Variants in STAM2 observed in about 807,000 individuals in gnomAD.
STAM2 encodes signal transducing adaptor molecule 2, also known as signal transducing adapter molecule 2.
A neutral mutation model predicts 65.6 loss-of-function variants in STAM2; 51 were observed. That is an observed-to-expected ratio of 0.78 (90% confidence interval 0.62 to 0.98). STAM2 has a LOEUF of 0.98. STAM2 is among the 50% of genes least tolerant of loss of function. The probability of loss-of-function intolerance (pLI) is 0.00; values close to 1 mark genes in which losing one functional copy is unlikely to be tolerated. For missense variants in STAM2, 584 were observed against 617.8 expected (o/e 0.95, Z 0.58); for synonymous variants, 198 against 208.4 (o/e 0.95, Z 0.43).
At chr2:152,163,732 A>C (rs72864754) in intron 1 of STAM2, among the ~76,000 whole-genome samples, 20,364 of 152,156 alleles carry the variant, frequency 0.13, 1,762 homozygotes, top group Middle Eastern at 0.31. Context: ...CCCTAGGAAA[A>C]GAATTGCATT....
chr2:152,175,110 C>T (rs985252362), intron 1 of STAM2, among the ~76,000 whole-genome samples: 5 of 152,122 alleles, frequency 3.3e-5, no homozygotes, highest in African/African-American at 1.2e-4. Flanking sequence ...GGATTGAATG[C>T]ATGAGTAATA....
rs58778946 is a variant in STAM2 at position 152,120,395 on chromosome 2, G to GA, written c.*178dup. ...AGATTGACTTCAAACAAACTGGACT[G>GA]AAAAAAAAAAAAAAAAAAAACCTTT... On this transcript the variant is annotated 3_prime_UTR_variant, in exon 14 of 14. Coordinates refer to ENST00000263904, the MANE Select transcript of STAM2 (RefSeq NM_005843.6). 28,812 of 302,588 alleles carry GA rather than the reference G, an allele frequency of 0.095. 39 individuals carry two copies. Among genetic ancestry groups the GA allele is most frequent in the South Asian group, 0.11 (2,574 of 24,386 alleles). The allele number at this position is 302,588 out of a possible 1,614,324, so 18.7% of individuals were successfully genotyped here.
intron 1 of STAM2, among the ~76,000 whole-genome samples, chr2:152,174,517 T>A (rs1030084535): frequency 5.3e-5 from 8 of 152,204 alleles, no homozygotes; most frequent in African/African-American, 1.9e-4. Flanking sequence ...TTAAAATGGC[T>A]TAGGGGATTA....
At position 152,130,950 on chromosome 2, in the gene STAM2, C is replaced by T. The variant is rs550592231; in HGVS notation, c.1025+1164G>A. ...GGTGGAGGTTGCAGTGAGCCGAGAT[C>T]GCACCACTGCACTCCAGCCTGGGTG... is the stretch of plus-strand genomic sequence containing the variant. On this transcript the variant is annotated intron_variant, in intron 11 of 13. Coordinates refer to ENST00000263904, the MANE Select transcript of STAM2 (RefSeq NM_005843.6). Among the ~76,000 whole-genome samples, 9 of 145,134 alleles carry T rather than the reference C, an allele frequency of 6.2e-5. No individual in the cohort carries two copies. In the East Asian group the frequency reaches 1.0e-3, roughly 17 times the overall value.
intron 7 of STAM2, among the ~76,000 whole-genome samples, chr2:152,138,958 T>C (rs1240251945): frequency 1.3e-5 from 2 of 152,294 alleles, no homozygotes; most frequent in East Asian, 3.9e-4. Context: ...CAATATAGGA[T>C]AATTTTCCTC....
intron 5 of STAM2, 55 bp from the exon 6 acceptor site, chr2:152,145,012 T>C: frequency 1.5e-6 from 2 of 1,343,906 alleles, no homozygotes; most frequent in Non-Finnish European, 2.1e-6. Context: ...AAACACAAGC[T>C]CCATAATTAC....
chr2:152,141,151 A>AG (rs899790598), intron 7 of STAM2, among the ~76,000 whole-genome samples: 2 of 151,296 alleles, frequency 1.3e-5, no homozygotes, highest in Admixed American at 6.6e-5. Flanking sequence ...AAAAAAAAAA[A>AG]AAAAGAAAAG....
At chr2:152,131,298 C>T (rs1319143504) in intron 11 of STAM2, among the ~76,000 whole-genome samples, 1 of 151,944 alleles carries the variant, frequency 6.6e-6, no homozygotes, top group African/African-American at 2.4e-5. Flanking sequence ...ACCAAAAATA[C>T]AAAAATTAGC....
chr2:152,142,485 T>C (rs956584888), intron 7 of STAM2, among the ~76,000 whole-genome samples: 7 of 152,182 alleles, frequency 4.6e-5, no homozygotes, highest in African/African-American at 1.7e-4. Context: ...AGACTGTCAG[T>C]GTTCAGAGCC....
chr2:152,118,098 T>G lies in STAM2; in HGVS notation c.*2476A>C, dbSNP rs1688782755. 4 of 152,164 alleles carry G rather than the reference T, an allele frequency of 2.6e-5. No homozygotes were observed. Among genetic ancestry groups the G allele is most frequent in the Admixed American group, 2.6e-4 (4 of 15,272 alleles). The allele number at this position is 152,164 out of a possible 1,614,324, so 9.4% of individuals were successfully genotyped here. ...AAATTTTCAGGAATTCTTTCTGATG[T>G]ACCAAGATTTCATATGAAAAAGCAG... On this transcript the variant is annotated 3_prime_UTR_variant, in exon 14 of 14. Transcript: ENST00000263904.
chr2:152,148,182 A>G (rs770776520), intron 3 of STAM2, 43 bp downstream of exon 3: 33 of 1,593,662 alleles, frequency 2.1e-5, no homozygotes, highest in Non-Finnish European at 2.5e-5. Flanking sequence ...AATTAAAAAC[A>G]CATTTAAAAT....
intron 8 of STAM2, among the ~76,000 whole-genome samples, chr2:152,135,241 T>G (rs1418271357): frequency 1.3e-5 from 2 of 152,210 alleles, no homozygotes; most frequent in Non-Finnish European, 2.9e-5. Flanking sequence ...TTTAAATACC[T>G]GCATGGTCAC....
At chr2:152,155,064 T>C (rs1168800684) in intron 1 of STAM2, among the ~76,000 whole-genome samples, 1 of 152,242 alleles carries the variant, frequency 6.6e-6, no homozygotes, top group East Asian at 1.9e-4. Context: ...AGCATCTGTC[T>C]TTGCCACAAC....
At chr2:152,175,509 T>C in intron 1 of STAM2, 94 bp downstream of exon 1, 4 of 1,522,792 alleles carry the variant, frequency 2.6e-6, no homozygotes, top group Non-Finnish European at 2.7e-6. Flanking sequence ...CTTTGCTTCC[T>C]AGTCCCCGGA....
chr2:152,135,874 G>C (rs1305631987), intron 7 of STAM2, among the ~76,000 whole-genome samples: 2 of 152,172 alleles, frequency 1.3e-5, no homozygotes, highest in Non-Finnish European at 2.9e-5. Context: ...CAGATCACCA[G>C]AGGTCAGGAG....
At chr2:152,139,768 A>G (rs747341020) in intron 7 of STAM2, among the ~76,000 whole-genome samples, 3 of 152,206 alleles carry the variant, frequency 2.0e-5, no homozygotes, top group Non-Finnish European at 2.9e-5. Context: ...GTATCTGGCA[A>G]GTGCTACATC....
intron 13 of STAM2, among the ~76,000 whole-genome samples, chr2:152,122,657 CT>C (rs1284655574): frequency 6.6e-6 from 1 of 151,718 alleles, no homozygotes; most frequent in Non-Finnish European, 1.5e-5. Context: ...GAGAAGAGAC[CT>C]TATAGATCAT....
chr2:152,129,339 T>TG (rs765838415), intron 11 of STAM2, among the ~76,000 whole-genome samples: 18 of 152,098 alleles, frequency 1.2e-4, no homozygotes, highest in Non-Finnish European at 2.4e-4. Flanking sequence ...TTTGTAGAGA[T>TG]GGGGTCTCAC....
At chr2:152,137,363 T>C (rs1689175324) in intron 7 of STAM2, among the ~76,000 whole-genome samples, 1 of 152,224 alleles carries the variant, frequency 6.6e-6, no homozygotes, top group African/African-American at 2.4e-5. Context: ...TTGTATGCAC[T>C]TGCATTTCCC....
Sources: gnomAD v4.1 joint callset for allele counts (sites outside exome capture counted in the v4.1 genomes callset) on GRCh38, gnomAD v4.1.1 for gene constraint, MANE v1.5 for transcripts, NCBI Gene and HGNC (gene_info 2026-07-23, HGNC 2026-07-21) for gene names.